Variants in CPA5 observed in about 807,000 individuals in gnomAD.
The protein encoded by CPA5 is testicular tissue protein Li 32.
A neutral mutation model predicts 52.2 loss-of-function variants in CPA5; 38 were observed. The ratio of observed to expected loss-of-function variants is 0.73; its 90% CI spans 0.56 to 0.95. The LOEUF (loss-of-function observed/expected upper bound fraction) is 0.95. CPA5 is among the 40% of genes least tolerant of loss of function. CPA5 has a pLI of 0.00. For missense variants in CPA5, 519 were observed against 566.7 expected (o/e 0.92, Z 0.86); for synonymous variants, 198 against 213.7 (o/e 0.93, Z 0.64).
At chr7:130,362,846 C>T (rs1795868087) in intron 8 of CPA5, 38 bp from the exon 9 acceptor site, 3 of 1,385,252 alleles carry the variant, frequency 2.2e-6, no homozygotes. Flanking sequence ...CCAGGAGACC[C>T]AGTAGGGCCT....
intron 4 of CPA5, among the ~76,000 whole-genome samples, chr7:130,349,388 C>T (rs536728936): frequency 4.6e-4 from 70 of 152,174 alleles, no homozygotes; most frequent in African/African-American, 1.7e-3. Context: ...GAGCTGAGAT[C>T]ATGCCATTGC....
chr7:130,368,980 A>G (rs1796251778), downstream of CPA5, among the ~76,000 whole-genome samples: 1 of 152,186 alleles, frequency 6.6e-6, no homozygotes. Context: ...GGAGGGGACA[A>G]TGTTTGCTCT....
chr7:130,357,497 C>T (rs534969960), intron 5 of CPA5, among the ~76,000 whole-genome samples: 38 of 152,126 alleles, frequency 2.5e-4, no homozygotes, highest in African/African-American at 7.7e-4. Flanking sequence ...GTGGTGCATA[C>T]CTGTAATCCC....
intron 6 of CPA5, among the ~76,000 whole-genome samples, chr7:130,360,101 T>C (rs1795710851): frequency 1.3e-5 from 2 of 152,246 alleles, no homozygotes; most frequent in African/African-American, 4.8e-5. Flanking sequence ...AATCCAGTCC[T>C]TATAGTTATA....
At chr7:130,357,966 G>GTGTGTGTA (rs2117385182) in intron 5 of CPA5, among the ~76,000 whole-genome samples, 2 of 143,140 alleles carry the variant, frequency 1.4e-5, no homozygotes, top group Non-Finnish European at 1.6e-5. Context: ...GTGTGTGTGT[G>GTGTGTGTA]TGTGTGTGTG....
rs1796191083 is a variant in CPA5, at chr7:130,367,935, C to T, written c.1068C>T (p.Ala356=). 1 of 1,614,212 alleles carries T rather than the reference C, an allele frequency of 6.2e-7. No homozygotes were observed. ...LYDLAKDAVE[A]LYKVHGIEYI... ...ATCTTGCCAAGGATGCGGTGGAGGC[C>T]TTGTATAAGGTCCATGGGATCGAGT... The change falls in exon 12 of 13, where the codon GCC becomes GCT. Residue 356 remains alanine (A), a synonymous_variant. Transcript: ENST00000474905.
chr7:130,369,550 T>A (rs1174450448), downstream of CPA5, among the ~76,000 whole-genome samples: 1 of 152,066 alleles, frequency 6.6e-6, no homozygotes, highest in East Asian at 1.9e-4. Flanking sequence ...CCAAATGAGG[T>A]TGTGTAAGTC....
rs1554408989 is a variant in CPA5 at position 130,367,904 on chromosome 7, A to G, written c.1039-2A>G. Reference sequence around the variant, plus strand: ...TTTCACCCCGCCAATGTCATCTTGCAGTACGATCTTGCCAAGGATGCGGTG... The same window carrying G: ...TTTCACCCCGCCAATGTCATCTTGCGGTACGATCTTGCCAAGGATGCGGTG... On this transcript the variant is annotated splice_acceptor_variant, in intron 11 of 12. Transcript: ENST00000474905. LOFTEE classifies it high-confidence loss of function. The G allele has an allele frequency of 6.2e-7, 1 of 1,614,090 alleles. No individual in the cohort carries two copies. Among genetic ancestry groups the G allele is most frequent in the African/African-American group, 1.3e-5 (1 of 75,054 alleles).
At chr7:130,361,800 C>T (rs782522897) in intron 7 of CPA5, among the ~76,000 whole-genome samples, 9 of 152,156 alleles carry the variant, frequency 5.9e-5, no homozygotes, top group African/African-American at 1.9e-4. Flanking sequence ...TCTTAGTTTG[C>T]GCCCAAAAGG....
intron 5 of CPA5, among the ~76,000 whole-genome samples, chr7:130,354,806 T>C (rs1340511973): frequency 6.6e-6 from 1 of 152,032 alleles, no homozygotes; most frequent in Non-Finnish European, 1.5e-5. Flanking sequence ...CATAGCGTAC[T>C]GCAGCCTTGA....
intron 5 of CPA5, among the ~76,000 whole-genome samples, chr7:130,351,109 G>A (rs1795112209): frequency 6.6e-6 from 1 of 152,214 alleles, no homozygotes; most frequent in Non-Finnish European, 1.5e-5. Context: ...CGAGCACAGG[G>A]CTGGGGAACT....
chr7:130,363,061 G>A (rs1247483907), intron 9 of CPA5, 67 bp downstream of exon 9: 3 of 1,002,362 alleles, frequency 3.0e-6, no homozygotes, highest in Non-Finnish European at 4.7e-6. Flanking sequence ...AGGTCACTGT[G>A]CTTTGGGAAC....
chr7:130,373,949 G>C, the CPA5 span, among the ~76,000 whole-genome samples: 1 of 152,252 alleles, frequency 6.6e-6, no homozygotes, highest in South Asian at 2.1e-4. Context: ...GAACCTTGGA[G>C]GCCAAACAGG....
At chr7:130,365,028 A>G (rs1377628772) in intron 10 of CPA5, among the ~76,000 whole-genome samples, 1 of 152,214 alleles carries the variant, frequency 6.6e-6, no homozygotes, top group Non-Finnish European at 1.5e-5. Flanking sequence ...GCTGTTGATA[A>G]TCAGACCTAT....
At chr7:130,351,103 C>T (rs1554403847) in intron 5 of CPA5, among the ~76,000 whole-genome samples, 2 of 152,232 alleles carry the variant, frequency 1.3e-5, no homozygotes, top group African/African-American at 4.8e-5. Context: ...CCCATGCGAG[C>T]ACAGGGCTGG....
At chr7:130,365,863 G>C (rs1292864345) in intron 10 of CPA5, among the ~76,000 whole-genome samples, 1 of 152,254 alleles carries the variant, frequency 6.6e-6, no homozygotes, top group Non-Finnish European at 1.5e-5. Context: ...AGCAGGTGCA[G>C]GAGCTCCTGG....
At chr7:130,373,226 A>C (rs1796310745), downstream of CPA5, among the ~76,000 whole-genome samples, 1 of 151,230 alleles carries the variant, frequency 6.6e-6, no homozygotes, top group African/African-American at 2.4e-5. Context: ...TTTTTCCCCC[A>C]TTTTCTGAAG....
At chr7:130,359,977 A>C (rs1302722862) in intron 6 of CPA5, among the ~76,000 whole-genome samples, 2 of 152,230 alleles carry the variant, frequency 1.3e-5, no homozygotes, top group Admixed American at 6.5e-5. Flanking sequence ...GCAGGGACCC[A>C]TTATGGGCCA....
In CPA5 at chr7:130,357,952, CTGTGTG is replaced by C. The variant is rs60840017; in HGVS notation, c.334-1601_334-1596del. Reference sequence around the variant, plus strand: ...TGTGTATGTGTGTGTTTTTGTGCCTCTGTGTGTGTGTGTGTGTGTGTGTGTGTGTGT... The same window carrying C: ...TGTGTATGTGTGTGTTTTTGTGCCTCTGTGTGTGTGTGTGTGTGTGTGTGT... On this transcript the variant is annotated intron_variant, in intron 5 of 12. Coordinates refer to ENST00000474905, the MANE Select transcript of CPA5 (RefSeq NM_080385.5). Among the ~76,000 whole-genome samples, 250 of 140,020 alleles carry C rather than the reference CTGTGTG, an allele frequency of 1.8e-3. 1 individual carries two copies. The highest frequency in any genetic ancestry group is 4.8e-3 in the African/African-American group (182 of 37,690). The allele number at this position is 140,020 out of a possible 152,430, so 91.9% of individuals were successfully genotyped here.
Sources: gnomAD v4.1 joint callset for allele counts (sites outside exome capture counted in the v4.1 genomes callset) on GRCh38, gnomAD v4.1.1 for gene constraint, MANE v1.5 for transcripts, NCBI Gene and HGNC (gene_info 2026-07-23, HGNC 2026-07-21) for gene names.